CCSER1: variants seen among roughly 807,000 people sequenced by gnomAD.
CCSER1 encodes the protein serine-rich coiled-coil domain-containing protein 1.
In CCSER1, 41 loss-of-function variants were observed where a neutral mutation model predicts 82.0. That is an observed-to-expected ratio of 0.50 (90% CI 0.39 to 0.65). The LOEUF (loss-of-function observed/expected upper bound fraction) is 0.65. CCSER1 is among the 30% of genes least tolerant of loss of function. The pLI is 0.00. For synonymous variants in CCSER1, 414 were observed against 383.9 expected, an observed-to-expected ratio of 1.08 and a Z score of -0.92; for missense variants, 1,119 against 1,064.2, an observed-to-expected ratio of 1.05 and a Z score of -0.72.
chr4:90,990,637 T>G (rs758265425), intron 9 of CCSER1, among the ~76,000 whole-genome samples: 1 of 151,932 alleles, frequency 6.6e-6, no homozygotes, highest in East Asian at 1.9e-4. Flanking sequence ...TCTAGATTCT[T>G]GGGCCCAGAT....
At chr4:91,375,765 A>T (rs1405985263) in intron 10 of CCSER1, among the ~76,000 whole-genome samples, 5 of 152,272 alleles carry the variant, frequency 3.3e-5, no homozygotes, top group Non-Finnish European at 5.9e-5. Flanking sequence ...TCAACAAATA[A>T]CAAATACAGT....
intron 5 of CCSER1, among the ~76,000 whole-genome samples, chr4:90,612,852 A>G (rs1720513505): frequency 6.6e-6 from 1 of 152,192 alleles, no homozygotes; most frequent in African/African-American, 2.4e-5. Context: ...TATTAGCTGG[A>G]TTAATTACCT....
chr4:91,225,057 TA>T (rs1418954696), intron 10 of CCSER1, among the ~76,000 whole-genome samples: 1 of 149,726 alleles, frequency 6.7e-6, no homozygotes, highest in Non-Finnish European at 1.5e-5. Flanking sequence ...ATTTTATTTA[TA>T]AAAATAGCAA....
At chr4:91,398,522 G>A (rs554172505) in intron 10 of CCSER1, among the ~76,000 whole-genome samples, 3 of 151,978 alleles carry the variant, frequency 2.0e-5, no homozygotes, top group Non-Finnish European at 2.9e-5. Flanking sequence ...AAAAATAGAT[G>A]AGACAAAAGC....
intron 10 of CCSER1, among the ~76,000 whole-genome samples, chr4:91,479,746 AATTT>A (rs1276189392): frequency 7.5e-6 from 1 of 132,920 alleles, no homozygotes; most frequent in Non-Finnish European, 1.6e-5. Flanking sequence ...TATTATTATT[AATTT>A]TTTTATTATA....
intron 3 of CCSER1, among the ~76,000 whole-genome samples, chr4:90,347,005 G>C (rs1742464686): frequency 6.6e-6 from 1 of 152,018 alleles, no homozygotes; most frequent in Admixed American, 6.6e-5. Flanking sequence ...CCCTATGCAG[G>C]TGAATTCAAT....
At chr4:91,003,529 C>T (rs1274330393) in intron 9 of CCSER1, among the ~76,000 whole-genome samples, 1 of 152,098 alleles carries the variant, frequency 6.6e-6, no homozygotes, top group African/African-American at 2.4e-5. Context: ...ACAGGCCTCA[C>T]CCAGCACCCA....
chr4:90,209,245 G>A (rs770181189), intron 1 of CCSER1, among the ~76,000 whole-genome samples: 13 of 152,186 alleles, frequency 8.5e-5, no homozygotes, highest in Non-Finnish European at 1.8e-4. Context: ...GACACTAAGT[G>A]TTCTGGTCAT....
intron 5 of CCSER1, among the ~76,000 whole-genome samples, chr4:90,560,577 G>A (rs187641946): frequency 6.6e-6 from 1 of 152,188 alleles, no homozygotes; most frequent in Non-Finnish European, 1.5e-5. Context: ...CTTCATCAGT[G>A]TCATGTTCAG....
At chr4:90,496,987 A>AG (rs1357721816) in intron 5 of CCSER1, among the ~76,000 whole-genome samples, 6 of 151,512 alleles carry the variant, frequency 4.0e-5, no homozygotes, top group African/African-American at 1.4e-4. Flanking sequence ...AAAAAAAAAA[A>AG]AAAAAAGAAA....
At chr4:91,242,050 A>AAG (rs1739414123) in intron 10 of CCSER1, among the ~76,000 whole-genome samples, 1 of 152,220 alleles carries the variant, frequency 6.6e-6, no homozygotes, top group Non-Finnish European at 1.5e-5. Context: ...AAGTTAATGA[A>AAG]AGATAGTAAG....
intron 10 of CCSER1, among the ~76,000 whole-genome samples, chr4:91,148,280 T>C (rs1252010631): frequency 1.3e-5 from 2 of 152,134 alleles, no homozygotes; most frequent in Non-Finnish European, 2.9e-5. Flanking sequence ...TCTCTTCAAT[T>C]GAGACTCATT....
chr4:91,542,172 G>T (rs962968550), intron 10 of CCSER1, among the ~76,000 whole-genome samples: 2 of 152,162 alleles, frequency 1.3e-5, no homozygotes, highest in African/African-American at 2.4e-5. Context: ...CTCCCATTCT[G>T]TAGGTTGCCT....
At chr4:90,559,627 C>T (rs557109342) in intron 5 of CCSER1, among the ~76,000 whole-genome samples, 103 of 151,936 alleles carry the variant, frequency 6.8e-4, no homozygotes, top group African/African-American at 2.4e-3. Context: ...TTGAGGCCAG[C>T]CTGGGCAATA....
At chr4:91,007,146 TGTGA>T (rs2150492137) in intron 9 of CCSER1, among the ~76,000 whole-genome samples, 1 of 152,326 alleles carries the variant, frequency 6.6e-6, no homozygotes, top group South Asian at 2.1e-4. Context: ...ACTTTTTTAC[TGTGA>T]GTGACTGTGA....
At chr4:91,445,095 T>A (rs1426861912) in intron 10 of CCSER1, among the ~76,000 whole-genome samples, 2 of 152,208 alleles carry the variant, frequency 1.3e-5, no homozygotes, top group African/African-American at 4.8e-5. Flanking sequence ...TTCCCTCATT[T>A]GCTTCATACT....
At chr4:91,149,502 T>A (rs964166113) in intron 10 of CCSER1, among the ~76,000 whole-genome samples, 1 of 152,254 alleles carries the variant, frequency 6.6e-6, no homozygotes, top group African/African-American at 2.4e-5. Flanking sequence ...ATTTGTCAAT[T>A]CTGGCTTTTG....
chr4:91,338,637 T>C (rs1017426134), intron 10 of CCSER1, among the ~76,000 whole-genome samples: 2 of 152,156 alleles, frequency 1.3e-5, no homozygotes, highest in Non-Finnish European at 2.9e-5. Context: ...TAAAGTGCAC[T>C]TAAAATGAAA....
At chr4:90,706,357 G>A (rs1460016295) in intron 6 of CCSER1, among the ~76,000 whole-genome samples, 4 of 152,110 alleles carry the variant, frequency 2.6e-5, no homozygotes, top group Admixed American at 2.6e-4. Flanking sequence ...AAGGCGGGAG[G>A]ATCTCTTAAG....
Sources: gnomAD v4.1 joint callset for allele counts (sites outside exome capture counted in the v4.1 genomes callset) on GRCh38, gnomAD v4.1.1 for gene constraint, MANE v1.5 for transcripts, NCBI Gene and HGNC (gene_info 2026-07-23, HGNC 2026-07-21) for gene names.